The following PAFAH1B1 variants were observed in gnomAD, a reference collection of about 807,000 sequenced individuals.
PAFAH1B1 encodes platelet activating factor acetylhydrolase 1b regulatory subunit 1.
A neutral mutation model predicts 57.5 loss-of-function variants in PAFAH1B1; 2 were observed. That is an observed-to-expected ratio of 0.03 (90% CI 0.01 to 0.11). The LOEUF (loss-of-function observed/expected upper bound fraction) is 0.11. PAFAH1B1 is among the 10% of genes least tolerant of loss of function. The probability of loss-of-function intolerance (pLI) is 1.00; values close to 1 mark genes in which losing one functional copy is unlikely to be tolerated. For synonymous variants in PAFAH1B1, 152 were observed against 169.6 expected (o/e 0.90, Z 0.81); for missense variants, 257 against 512.0 (o/e 0.50, Z 4.81).
At chr17:2,597,403 C>CTTTTTTTTTTTT (rs1187594089) in intron 1 of PAFAH1B1, among the ~76,000 whole-genome samples, 9 of 64,350 alleles carry the variant, frequency 1.4e-4, no homozygotes, top group Non-Finnish European at 2.0e-4. Flanking sequence ...ACATCCGTGT[C>CTTTTTTTTTTTT]TTTTTTTTTT....
intron 4 of PAFAH1B1, among the ~76,000 whole-genome samples, chr17:2,666,330 C>T (rs747931977): frequency 6.6e-6 from 1 of 152,088 alleles, no homozygotes; most frequent in African/African-American, 2.4e-5. Flanking sequence ...GGAATTGATA[C>T]TGAAAGAACT....
chr17:2,606,642 C>G (rs2068206784), intron 1 of PAFAH1B1, among the ~76,000 whole-genome samples: 1 of 151,980 alleles, frequency 6.6e-6, no homozygotes, highest in South Asian at 2.1e-4. Flanking sequence ...AGGTGAGCCA[C>G]CATGCCTGGC....
intron 2 of PAFAH1B1, among the ~76,000 whole-genome samples, chr17:2,648,154 C>T (rs1447348035): frequency 1.3e-5 from 2 of 152,016 alleles, no homozygotes; most frequent in South Asian, 2.1e-4. Flanking sequence ...GAATGAGAGA[C>T]GAGTGAAGGG....
intron 1 of PAFAH1B1, among the ~76,000 whole-genome samples, chr17:2,616,003 AACTT>A (rs2068335857): frequency 1.3e-5 from 2 of 152,192 alleles, no homozygotes; most frequent in Admixed American, 1.3e-4. Context: ...TGAATACAAA[AACTT>A]AGTGGAAAGA....
At chr17:2,614,693 G>A (rs2068315247) in intron 1 of PAFAH1B1, among the ~76,000 whole-genome samples, 1 of 152,142 alleles carries the variant, frequency 6.6e-6, no homozygotes, top group African/African-American at 2.4e-5. Context: ...TCCCACCTTA[G>A]CCTCCTGAGT....
intron 2 of PAFAH1B1, among the ~76,000 whole-genome samples, chr17:2,647,016 G>C (rs1403803572): frequency 2.6e-5 from 4 of 151,962 alleles, no homozygotes; most frequent in Non-Finnish European, 2.9e-5. Flanking sequence ...TGGATCTCTT[G>C]AGTCCAGCCT....
intron 4 of PAFAH1B1, 125 bp from the exon 5 acceptor site, chr17:2,666,867 G>A (rs2069112689): frequency 4.6e-6 from 3 of 654,652 alleles, no homozygotes; most frequent in Admixed American, 5.3e-5. Flanking sequence ...CAAATGCTTT[G>A]GAGATTACTG....
intron 8 of PAFAH1B1, among the ~76,000 whole-genome samples, chr17:2,676,147 G>A (rs1039289238): frequency 2.2e-4 from 34 of 152,310 alleles, no homozygotes; most frequent in African/African-American, 8.2e-4. Flanking sequence ...GCCGAGGTGG[G>A]CCGATCGATC....
chr17:2,665,316 T>G, intron 2 of PAFAH1B1, 56 bp from the exon 3 acceptor site: 1 of 934,794 alleles, frequency 1.1e-6, no homozygotes, highest in Non-Finnish European at 1.8e-6. Context: ...AAATTCTATT[T>G]CTTCAGAATA....
intron 2 of PAFAH1B1, 178 bp downstream of exon 2, chr17:2,638,498 T>C: frequency 3.5e-6 from 2 of 573,486 alleles, no homozygotes; most frequent in Non-Finnish European, 6.2e-6. Flanking sequence ...TATAGCATTA[T>C]TTTTAAAATT....
In PAFAH1B1 at chr17:2,621,570, T is replaced by C. The variant is rs1335990688; in HGVS notation, c.-190-16529T>C. ...AATATTTGGATTAAGAGCCATAATA[T>C]ATAATACGTGCTATTCAAGCATGGT... is the stretch of plus-strand genomic sequence containing the variant. On this transcript the variant is annotated intron_variant, in intron 1 of 10. Transcript: ENST00000397195. Among the ~76,000 whole-genome samples, 5 of 149,468 alleles carry C rather than the reference T, an allele frequency of 3.3e-5. No individual in the cohort carries two copies. The East Asian group carries it at 6.0e-4, about 18-fold the overall frequency.
At chr17:2,599,631 C>G (rs184994132) in intron 1 of PAFAH1B1, among the ~76,000 whole-genome samples, 89 of 152,220 alleles carry the variant, frequency 5.8e-4, no homozygotes, top group African/African-American at 2.1e-3. Flanking sequence ...CCGGTGATCT[C>G]AAGAGAATTA....
intron 2 of PAFAH1B1, among the ~76,000 whole-genome samples, chr17:2,655,778 C>T (rs1329394221): frequency 3.3e-5 from 5 of 149,782 alleles, no homozygotes; most frequent in African/African-American, 1.2e-4. Flanking sequence ...ATTACCCGAC[C>T]GATGTGAAAA....
chr17:2,656,126 A>T (rs374177030), intron 2 of PAFAH1B1, among the ~76,000 whole-genome samples: 1 of 152,096 alleles, frequency 6.6e-6, no homozygotes, highest in East Asian at 1.9e-4. Context: ...GGGTTTCACT[A>T]TGTTGGCCAG....
chr17:2,593,616 G>GCGGCGC, upstream of PAFAH1B1: 1 of 223,730 alleles, frequency 4.5e-6, no homozygotes, highest in Non-Finnish European at 8.6e-6. Context: ...GGCGGCGGCG[G>GCGGCGC]CGCGGTGACG....
chr17:2,623,038 C>T (rs1013185549), intron 1 of PAFAH1B1, among the ~76,000 whole-genome samples: 2 of 152,154 alleles, frequency 1.3e-5, no homozygotes, highest in African/African-American at 4.8e-5. Context: ...TACCAAGTCC[C>T]TAGGCTGCAC....
intron 1 of PAFAH1B1, among the ~76,000 whole-genome samples, chr17:2,626,833 G>T (rs529214077): frequency 2.0e-5 from 3 of 152,022 alleles, no homozygotes; most frequent in Non-Finnish European, 4.4e-5. Flanking sequence ...GATTACAGTC[G>T]TGAGCCACCC....
chr17:2,647,953 G>A (rs1187925698), intron 2 of PAFAH1B1, among the ~76,000 whole-genome samples: 8 of 152,110 alleles, frequency 5.3e-5, no homozygotes, highest in East Asian at 1.9e-4. Context: ...GCAGTGATCC[G>A]AGATCATGCC....
At chr17:2,598,268 T>A (rs1267236975) in intron 1 of PAFAH1B1, among the ~76,000 whole-genome samples, 1 of 151,758 alleles carries the variant, frequency 6.6e-6, no homozygotes, top group Non-Finnish European at 1.5e-5. Flanking sequence ...AATAAATAAA[T>A]AAAAATAAGA....
Sources: allele counts gnomAD v4.1 joint callset (sites outside exome capture counted in the v4.1 genomes callset), GRCh38; gene constraint gnomAD v4.1.1; transcripts MANE v1.5; gene names NCBI Gene and HGNC (gene_info 2026-07-23, HGNC 2026-07-21).